Variants in ALDH5A1 observed in about 807,000 individuals in gnomAD.
ALDH5A1 encodes the protein aldehyde dehydrogenase 5 family member A1, also known as succinate-semialdehyde dehydrogenase, mitochondrial.
In ALDH5A1, 33 loss-of-function variants were observed where a neutral mutation model predicts 54.7. That is an observed-to-expected ratio of 0.60 (90% confidence interval 0.46 to 0.81). ALDH5A1 has a LOEUF of 0.81. Ranked by LOEUF, ALDH5A1 falls within the 30% of genes least tolerant of loss-of-function variation. The pLI, the probability that ALDH5A1 is intolerant of heterozygous loss-of-function variation, is 0.00. For missense variants in ALDH5A1, 657 were observed against 711.0 expected (o/e 0.92, Z 0.86); for synonymous variants, 294 against 292.7 (o/e 1.00, Z -0.05).
intron 4 of ALDH5A1, chr6:24,511,877 A>C (rs745597275): frequency 1.7e-6 from 1 of 598,302 alleles, no homozygotes; most frequent in South Asian, 2.3e-5. Context: ...TGGTGAGCTC[A>C]TGTGATTTTT....
chr6:24,529,723 G>A (rs1170072450), intron 8 of ALDH5A1, among the ~76,000 whole-genome samples: 2 of 129,090 alleles, frequency 1.5e-5, no homozygotes, highest in East Asian at 2.2e-4. Flanking sequence ...CCAAGCTGGA[G>A]TGCAGTGTTG....
At chr6:24,514,874 G>C (rs543419401) in intron 4 of ALDH5A1, among the ~76,000 whole-genome samples, 2 of 152,124 alleles carry the variant, frequency 1.3e-5, no homozygotes, top group South Asian at 4.1e-4. Context: ...CTGGGCTCAA[G>C]TGATCCTCTC....
intron 6 of ALDH5A1, 122 bp downstream of exon 6, chr6:24,520,666 A>G (rs1759666045): frequency 4.2e-6 from 6 of 1,417,354 alleles, no homozygotes; most frequent in Non-Finnish European, 5.8e-6. Flanking sequence ...GTGTGTTACA[A>G]AGATCCCACC....
Position 24,527,367 on chromosome 6 carries a change from T to A in ALDH5A1, c.1174-630T>A, listed in dbSNP as rs1218079256. Among the ~76,000 whole-genome samples, 5 of 151,816 alleles carry A rather than the reference T, an allele frequency of 3.3e-5. No individual in the cohort carries two copies. In the South Asian group the frequency reaches 8.3e-4, roughly 25 times the overall value. On this transcript the variant is annotated intron_variant, in intron 7 of 9. Transcript: ENST00000357578. The stretch of plus-strand genomic sequence containing the variant: ...GGCGGGTGAATCACGAGGTCAGGAG[T>A]TCGAGACCAGCCTGGCCAAGATGAT...
At chr6:24,520,645 TGTGC>T in intron 6 of ALDH5A1, 101 bp downstream of exon 6, 8 of 1,498,230 alleles carry the variant, frequency 5.3e-6, no homozygotes, top group South Asian at 3.6e-5. Flanking sequence ...TGTGTGTGTG[TGTGC>T]GTGTGTGTGT....
Position 24,495,336 on chromosome 6 carries a change from G to A in ALDH5A1, c.340G>A (p.Glu114Lys). The A allele has an allele frequency of 2.0e-6, 3 of 1,533,014 alleles. No individual in the cohort carries two copies. Among genetic ancestry groups the A allele is most frequent in the East Asian group, 2.4e-5 (1 of 40,838 alleles). The allele number at this position is 1,533,014 out of a possible 1,614,324, so 95.0% of individuals were successfully genotyped here. The change falls in exon 1 of 10, where the codon GAG (glutamate) becomes AAG (lysine). Residue 114 changes from glutamate (E) to lysine (K), a missense_variant. Glu to Lys is a moderately conservative substitution (Grantham distance 56). Around this residue, in one of 2 missense-constraint regions of ALDH5A1, gnomAD observed 232 missense variants for 194.6 expected, o/e 1.19. Transcript: ENST00000357578. ...AAYEAFCRWR[E>K]VSAKERSSLL... is the part of the protein sequence containing the mutation. Reference sequence around the variant, plus strand: ...CTACGAGGCTTTCTGCCGCTGGAGGGAGGTCTCCGCCAAGGTGAGAGAGCC... The same window carrying A: ...CTACGAGGCTTTCTGCCGCTGGAGGAAGGTCTCCGCCAAGGTGAGAGAGCC...
intron 3 of ALDH5A1, among the ~76,000 whole-genome samples, chr6:24,504,334 T>A (rs998655508): frequency 2.0e-5 from 3 of 152,232 alleles, no homozygotes; most frequent in Non-Finnish European, 2.9e-5. Context: ...TTATTATAGG[T>A]ATATGTATAG....
In ALDH5A1 at chr6:24,521,007, G is replaced by T. The variant is rs371614273; in HGVS notation, c.1014+463G>T. On this transcript the variant is annotated intron_variant, in intron 6 of 9. Transcript: ENST00000357578. Reference sequence around the variant, plus strand: ...GACACAGAACAGCCTTGAACAATTGGGGTCTCTGAGGCCAAGGGAAAGAAA... The same window carrying T: ...GACACAGAACAGCCTTGAACAATTGTGGTCTCTGAGGCCAAGGGAAAGAAA... 3.0e-4 allele frequency among the ~76,000 whole-genome samples: 45 copies of T among 152,246 alleles called. No homozygotes were observed. The South Asian group carries it at 8.3e-3, about 28-fold the overall frequency.
rs553877698 is a variant in ALDH5A1 at position 24,517,591 on chromosome 6, C to T, written c.870+2281C>T. ...CCAGAGAAATTTCCAGGATACTGGG[C>T]GAAGGGCAGCAACTCAGTTTTCTCA... On this transcript the variant is annotated intron_variant, in intron 5 of 9. Coordinates refer to ENST00000357578, the MANE Select transcript of ALDH5A1 (RefSeq NM_001080.3). Among the ~76,000 whole-genome samples, 73 of 152,152 alleles carry T rather than the reference C, an allele frequency of 4.8e-4. 1 individual carries two copies. Among genetic ancestry groups the T allele is most frequent in the Non-Finnish European group, 9.6e-4 (65 of 68,024 alleles).
At chr6:24,496,323 T>C (rs1382739809) in intron 1 of ALDH5A1, among the ~76,000 whole-genome samples, 2 of 151,974 alleles carry the variant, frequency 1.3e-5, no homozygotes, top group Non-Finnish European at 2.9e-5. Context: ...AAACATAATA[T>C]CTAAGCAAAT....
chr6:24,513,355 A>C (rs1177905893), intron 4 of ALDH5A1, among the ~76,000 whole-genome samples: 1 of 152,134 alleles, frequency 6.6e-6, no homozygotes, highest in Non-Finnish European at 1.5e-5. Flanking sequence ...ATGAGCCACC[A>C]CACCCAGCCT....
intron 4 of ALDH5A1, among the ~76,000 whole-genome samples, chr6:24,512,750 C>T (rs1759482235): frequency 6.6e-6 from 1 of 152,262 alleles, no homozygotes; most frequent in South Asian, 2.1e-4. Context: ...AGTGAAATGA[C>T]ACAGTCTTGG....
chr6:24,514,790 T>G (rs1186419724), intron 4 of ALDH5A1, among the ~76,000 whole-genome samples: 1 of 151,976 alleles, frequency 6.6e-6, no homozygotes, highest in Non-Finnish European at 1.5e-5. Context: ...TTTGTTTTTT[T>G]GAGACAGGGT....
At chr6:24,506,017 T>TA (rs1759337810) in intron 4 of ALDH5A1, among the ~76,000 whole-genome samples, 1 of 151,784 alleles carries the variant, frequency 6.6e-6, no homozygotes, top group Admixed American at 6.6e-5. Context: ...TCCCCTCCTC[T>TA]GCTTTGCTTT....
chr6:24,499,050 G>A (rs1460466711), intron 1 of ALDH5A1, among the ~76,000 whole-genome samples: 1 of 147,696 alleles, frequency 6.8e-6, no homozygotes, highest in African/African-American at 2.5e-5. Flanking sequence ...GCAGTGAGCC[G>A]AGATCATGCC....
chr6:24,524,913 G>A (rs1759772012), intron 7 of ALDH5A1, among the ~76,000 whole-genome samples: 1 of 152,196 alleles, frequency 6.6e-6, no homozygotes, highest in Admixed American at 6.5e-5. Flanking sequence ...AAGTGCCCCA[G>A]TATGATGCTA....
chr6:24,505,436 C>T (rs544250547), intron 4 of ALDH5A1, among the ~76,000 whole-genome samples: 1 of 152,214 alleles, frequency 6.6e-6, no homozygotes, highest in South Asian at 2.1e-4. Flanking sequence ...CACTTCCCAC[C>T]CCCCCAGTAT....
Position 24,503,350 on chromosome 6 carries a change from G to C in ALDH5A1, c.526G>C (p.Gly176Arg). 1.2e-6 allele frequency: 2 copies of C among 1,614,086 alleles called. No individual in the cohort carries two copies. The highest frequency in any genetic ancestry group is 1.7e-6 in the Non-Finnish European group (2 of 1,180,034). Residue 176 changes from glycine to arginine, a missense_variant, in exon 3 of 10, where the codon GGA (glycine) becomes CGA (arginine). By Grantham distance (125) the Gly-to-Arg change is moderately radical (BLOSUM62 -2). Around this residue, in one of 2 missense-constraint regions of ALDH5A1, gnomAD observed 425 missense variants for 516.4 expected, o/e 0.82. Coordinates refer to ENST00000357578, the MANE Select transcript of ALDH5A1 (RefSeq NM_001080.3). ...WFSEEARRVY[G>R]DIIHTPAKDR... is the part of the protein sequence containing the mutation. Reference sequence around the variant, plus strand: ...CTCTGAGGAAGCCCGCCGTGTTTACGGAGACATTATCCACACCCCGGCAAA... The same window carrying C: ...CTCTGAGGAAGCCCGCCGTGTTTACCGAGACATTATCCACACCCCGGCAAA...
At position 24,504,932 on chromosome 6, in the gene ALDH5A1, G is replaced by T; in HGVS notation, c.673G>T (p.Val225Phe). ...GGCCGCCCTGGCAGCCGGCTGTACT[G>T]TCGTGGTGAAGCCTGCCGAAGACAC... Reference protein sequence around the residue: ...VGAALAAGCTVVVKPAEDTPF... With the variant: ...VGAALAAGCTFVVKPAEDTPF... Residue 225 changes from valine to phenylalanine, a missense_variant, in exon 4 of 10, where the codon GTC becomes TTC. By Grantham distance (50) the Val-to-Phe change is conservative (BLOSUM62 -1). Coordinates refer to ENST00000357578, the MANE Select transcript of ALDH5A1 (RefSeq NM_001080.3). The T allele has an allele frequency of 5.0e-6, 8 of 1,614,224 alleles. No homozygotes were observed. The highest frequency in any genetic ancestry group is 6.8e-6 in the Non-Finnish European group (8 of 1,180,046).
Sources: allele counts gnomAD v4.1 joint callset (sites outside exome capture counted in the v4.1 genomes callset), GRCh38; gene constraint gnomAD v4.1.1; regional missense constraint gnomAD v4.1.1; transcripts MANE v1.5; gene names NCBI Gene and HGNC (gene_info 2026-07-23, HGNC 2026-07-21).